Variants in PRKN observed in about 807,000 individuals in gnomAD.
PRKN encodes parkin RBR E3 ubiquitin protein ligase, also known as E3 ubiquitin-protein ligase parkin.
A neutral mutation model predicts 59.5 loss-of-function variants in PRKN; 56 were observed. That is an observed-to-expected ratio of 0.94 (90% CI 0.76 to 1.18). The LOEUF is 1.18. Among genes scored for constraint, PRKN ranks in the 50% most tolerant of loss-of-function variants. PRKN has a pLI of 0.00. For missense variants in PRKN, 657 were observed against 596.4 expected, an observed-to-expected ratio of 1.10 and a Z score of -1.06; for synonymous variants, 250 against 222.1, an observed-to-expected ratio of 1.13 and a Z score of -1.12.
At chr6:161,535,573 G>A (rs567608760) in intron 9 of PRKN, among the ~76,000 whole-genome samples, 8 of 152,320 alleles carry the variant, frequency 5.3e-5, no homozygotes, top group Non-Finnish European at 1.0e-4. Flanking sequence ...ATCGCACCCC[G>A]AATACAGATA....
chr6:161,580,386 T>C (rs1235922978), intron 7 of PRKN, among the ~76,000 whole-genome samples: 1 of 152,190 alleles, frequency 6.6e-6, no homozygotes, highest in Non-Finnish European at 1.5e-5. Context: ...GACTGCACCA[T>C]GGCCCTGGTA....
At chr6:162,109,936 C>G (rs1257394092) in intron 4 of PRKN, among the ~76,000 whole-genome samples, 1 of 152,194 alleles carries the variant, frequency 6.6e-6, no homozygotes, top group African/African-American at 2.4e-5. Flanking sequence ...ATTCAATTAA[C>G]ATCATATGCC....
At chr6:162,584,888 TCCCCTCCCCTCTCC>T (rs1780978341) in intron 1 of PRKN, among the ~76,000 whole-genome samples, 1 of 56,144 alleles carries the variant, frequency 1.8e-5, no homozygotes, top group African/African-American at 6.8e-5. Context: ...TCCCCTCCCC[TCCCCTCCCCTCTCC>T]TCTTCTCTTT....
At chr6:162,129,521 T>C (rs1271400332) in intron 4 of PRKN, among the ~76,000 whole-genome samples, 1 of 152,266 alleles carries the variant, frequency 6.6e-6, no homozygotes, top group Middle Eastern at 3.4e-3. Context: ...TTAGTCAGCA[T>C]GCAAGGAAAA....
chr6:161,665,800 T>C (rs1383498198), intron 7 of PRKN, among the ~76,000 whole-genome samples: 1 of 152,178 alleles, frequency 6.6e-6, no homozygotes, highest in Non-Finnish European at 1.5e-5. Context: ...TGAACGCCCA[T>C]TGTGTGAAAC....
At chr6:161,431,945 G>A (rs969450065) in intron 9 of PRKN, among the ~76,000 whole-genome samples, 2 of 152,124 alleles carry the variant, frequency 1.3e-5, no homozygotes, top group Non-Finnish European at 2.9e-5. Context: ...CTATATCTAC[G>A]TTTAAGCTTT....
Position 161,484,574 on chromosome 6 carries a change from C to T in PRKN, c.1083+64280G>A, listed in dbSNP as rs373693645. Among the ~76,000 whole-genome samples the T allele has an allele frequency of 7.2e-5, 11 of 152,050 alleles. No homozygotes were observed. The East Asian group carries it at 9.7e-4, about 13-fold the overall frequency. On this transcript the variant is annotated intron_variant, in intron 9 of 11. Transcript: ENST00000366898. The surrounding 1 kb of genome is among the most constrained non-coding windows in gnomAD (Gnocchi z 4.9). Reference sequence around the variant, plus strand: ...CACTTGGGAAGCTTAGGAAGGTTTCCCAAAGCAAGCTGTGGGTACGGACGG... The same window carrying T: ...CACTTGGGAAGCTTAGGAAGGTTTCTCAAAGCAAGCTGTGGGTACGGACGG...
In PRKN at chr6:161,757,590, C is replaced by A. The variant is rs921945710; in HGVS notation, c.871+28182G>T. On this transcript the variant is annotated intron_variant, in intron 7 of 11. Coordinates refer to ENST00000366898, the MANE Select transcript of PRKN (RefSeq NM_004562.3). ...CAGTGGCTTATGCCTGTAATCCCAG[C>A]ACTTTGGGAGGCTGAGGTGGGTGGA... Among the ~76,000 whole-genome samples, 11 of 152,142 alleles carry A rather than the reference C, an allele frequency of 7.2e-5. 1 individual carries two copies. The highest frequency in any genetic ancestry group is 6.5e-4 in the Admixed American group (10 of 15,280).
chr6:162,180,965 T>C (rs189919239), intron 4 of PRKN, among the ~76,000 whole-genome samples: 2 of 152,250 alleles, frequency 1.3e-5, no homozygotes, highest in East Asian at 3.9e-4. Context: ...ATGATTCTAG[T>C]TTAAACTGGA....
intron 7 of PRKN, among the ~76,000 whole-genome samples, chr6:161,683,882 T>C (rs1785462573): frequency 6.6e-6 from 1 of 152,106 alleles, no homozygotes; most frequent in African/African-American, 2.4e-5. Context: ...ATGATTTAAA[T>C]GAGAGAATAT....
rs981351006 is a variant in PRKN, at chr6:161,871,113, C to A, written c.735-85205G>T. ...AATAAGAGGGAAAATAAGATAGATA[C>A]TTTGTAGCAATTTAAACGTATAGAG... On this transcript the variant is annotated intron_variant, in intron 6 of 11. Transcript: ENST00000366898. Among the ~76,000 whole-genome samples the A allele has an allele frequency of 2.0e-5, 3 of 151,858 alleles. No individual in the cohort carries two copies. In the East Asian group the frequency reaches 5.8e-4, roughly 29 times the overall value.
At position 161,549,150 on chromosome 6, in the gene PRKN, G is replaced by C; in HGVS notation, c.934-147C>G. Reference sequence around the variant, plus strand: ...TGTGTGTGTGTGTGTGTAGGGGGAGGGAGAGGGCCACGGGGTTGATAGGGG... The same window carrying C: ...TGTGTGTGTGTGTGTGTAGGGGGAGCGAGAGGGCCACGGGGTTGATAGGGG... On this transcript the variant is annotated intron_variant, in intron 8 of 11. Transcript: ENST00000366898. The surrounding 1 kb of genome is among the most constrained non-coding windows in gnomAD (Gnocchi z 6.0). The C allele has an allele frequency of 1.2e-6, 1 of 835,726 alleles. No individual in the cohort carries two copies. Among genetic ancestry groups the C allele is most frequent in the Non-Finnish European group, 2.0e-6 (1 of 503,658 alleles). The allele number at this position is 835,726 out of a possible 1,614,324, so 51.8% of individuals were successfully genotyped here.
intron 1 of PRKN, among the ~76,000 whole-genome samples, chr6:162,698,394 G>A (rs894622117): frequency 2.0e-5 from 3 of 152,096 alleles, no homozygotes; most frequent in Admixed American, 2.0e-4. Flanking sequence ...TCCTTTATAA[G>A]GGGACAGTCA....
chr6:161,631,127 G>A (rs1783291121), intron 7 of PRKN, among the ~76,000 whole-genome samples: 1 of 152,186 alleles, frequency 6.6e-6, no homozygotes, highest in Admixed American at 6.5e-5. Context: ...TTGATTGGGG[G>A]TGAGTACATC....
At chr6:161,736,366 C>T (rs73783373) in intron 7 of PRKN, among the ~76,000 whole-genome samples, 5,065 of 152,244 alleles carry the variant, frequency 0.033, 300 homozygotes, top group African/African-American at 0.12. Flanking sequence ...ATCATATCTA[C>T]CTTTCTGAGC....
intron 7 of PRKN, among the ~76,000 whole-genome samples, chr6:161,664,010 C>T (rs1462603000): frequency 3.3e-5 from 5 of 152,178 alleles, no homozygotes; most frequent in Admixed American, 6.5e-5. Flanking sequence ...CTCTGGGGCC[C>T]GCTTCCACAC....
At chr6:162,658,192 T>C (rs930916425) in intron 1 of PRKN, among the ~76,000 whole-genome samples, 2 of 152,210 alleles carry the variant, frequency 1.3e-5, no homozygotes, top group Non-Finnish European at 2.9e-5. Flanking sequence ...TATATTCTAC[T>C]GGTCTTAAAG....
At chr6:161,867,905 CA>C (rs1375215097) in intron 6 of PRKN, among the ~76,000 whole-genome samples, 1 of 151,766 alleles carries the variant, frequency 6.6e-6, no homozygotes, top group African/African-American at 2.4e-5. Flanking sequence ...GGATTACAGG[CA>C]TGCACCACCA....
At chr6:161,777,793 G>T (rs965657591) in intron 7 of PRKN, among the ~76,000 whole-genome samples, 1 of 136,294 alleles carries the variant, frequency 7.3e-6, no homozygotes, top group Non-Finnish European at 1.5e-5. Flanking sequence ...ATGTATATAT[G>T]ATATATGTAT....
Sources: gnomAD v4.1 joint callset for allele counts (sites outside exome capture counted in the v4.1 genomes callset) on GRCh38, gnomAD v4.1.1 for gene constraint, Gnocchi (gnomAD v3.1) non-coding constraint, MANE v1.5 for transcripts, NCBI Gene and HGNC (gene_info 2026-07-23, HGNC 2026-07-21) for gene names.